The following LRP1B variants were observed in gnomAD, a reference collection of about 807,000 sequenced individuals.
LRP1B encodes the protein LDL receptor related protein 1B, also known as low-density lipoprotein receptor-related protein 1B.
LRP1B carries 217 observed loss-of-function variants against 556.6 expected under a neutral mutation model. The observed-to-expected ratio is 0.39, with a 90% CI of 0.35 to 0.44. The LOEUF (loss-of-function observed/expected upper bound fraction) is 0.44. Ranked by LOEUF, LRP1B falls within the 20% of genes least tolerant of loss-of-function variation. The pLI is 1.00. For missense variants in LRP1B, 5,053 were observed against 5,620.8 expected (o/e 0.90, Z 3.23); for synonymous variants, 2,047 against 1,865.8 (o/e 1.10, Z -2.50).
intron 1 of LRP1B, among the ~76,000 whole-genome samples, chr2:142,106,645 A>T (rs895257255): frequency 2.6e-5 from 4 of 152,162 alleles, no homozygotes; most frequent in South Asian, 2.1e-4. Flanking sequence ...CCCACTGCAA[A>T]CATCCTCTTG....
chr2:142,082,824 G>T (rs1307828430), intron 1 of LRP1B, among the ~76,000 whole-genome samples: 1 of 152,128 alleles, frequency 6.6e-6, no homozygotes, highest in African/African-American at 2.4e-5. Context: ...AATATTTAGG[G>T]TGTCTTATCT....
chr2:141,443,844 GT>G (rs1369094102), intron 3 of LRP1B, among the ~76,000 whole-genome samples: 1 of 152,176 alleles, frequency 6.6e-6, no homozygotes, highest in African/African-American at 2.4e-5. Context: ...TTGCAGTATA[GT>G]TTGAAGTCAG....
chr2:140,299,034 T>C (rs1683712187), intron 83 of LRP1B, among the ~76,000 whole-genome samples: 1 of 152,138 alleles, frequency 6.6e-6, no homozygotes, highest in Non-Finnish European at 1.5e-5. Context: ...ATTCAAGCCA[T>C]CTTTCTCTTG....
intron 25 of LRP1B, among the ~76,000 whole-genome samples, chr2:140,871,471 A>C (rs958300479): frequency 2.0e-5 from 3 of 152,208 alleles, no homozygotes; most frequent in Admixed American, 2.0e-4. Context: ...ATGCTACAAC[A>C]GTGTCTATGT....
chr2:141,808,116 C>T (rs1696221613), intron 2 of LRP1B, among the ~76,000 whole-genome samples: 2 of 152,080 alleles, frequency 1.3e-5, no homozygotes, highest in Admixed American at 6.6e-5. Flanking sequence ...CATCATTCTT[C>T]ACCGGCATGA....
In LRP1B at chr2:141,348,783, T is replaced by A. The variant is rs534531541; in HGVS notation, c.344-94142A>T. On this transcript the variant is annotated intron_variant, in intron 3 of 90. Coordinates refer to ENST00000389484, the MANE Select transcript of LRP1B (RefSeq NM_018557.3). Reference sequence around the variant, plus strand: ...GGTTGTGTCCCCAGCCAAATGTCATTTTGAATTCCCAAGTGCTGTGGGAGG... The same window carrying A: ...GGTTGTGTCCCCAGCCAAATGTCATATTGAATTCCCAAGTGCTGTGGGAGG... Among the ~76,000 whole-genome samples the A allele has an allele frequency of 2.0e-5, 3 of 152,090 alleles. No individual in the cohort carries two copies. In the East Asian group the frequency reaches 5.8e-4, roughly 29 times the overall value.
intron 27 of LRP1B, among the ~76,000 whole-genome samples, chr2:140,862,359 C>T (rs533418602): frequency 2.6e-5 from 4 of 152,186 alleles, no homozygotes; most frequent in African/African-American, 9.7e-5. Context: ...TTTATTGGCA[C>T]ACAGCCACAC....
chr2:141,149,754 G>A (rs992030265), intron 7 of LRP1B, among the ~76,000 whole-genome samples: 2 of 152,156 alleles, frequency 1.3e-5, no homozygotes, highest in South Asian at 4.1e-4. Flanking sequence ...GAAAGAACAG[G>A]TTCGCAGCAG....
chr2:141,025,168 A>G (rs12475930), intron 11 of LRP1B, among the ~76,000 whole-genome samples: 16,813 of 152,098 alleles, frequency 0.11, 1,027 homozygotes, highest in East Asian at 0.22. Flanking sequence ...CACAAATAAT[A>G]ATGTCTGCAT....
intron 18 of LRP1B, among the ~76,000 whole-genome samples, chr2:140,973,960 G>C (rs1417941803): frequency 2.0e-5 from 3 of 152,054 alleles, no homozygotes; most frequent in African/African-American, 7.2e-5. Context: ...ATGAATAGCA[G>C]GGCAATTGGT....
intron 76 of LRP1B, 55 bp downstream of exon 76, chr2:140,352,898 T>C: frequency 4.6e-6 from 7 of 1,523,410 alleles, no homozygotes; most frequent in Non-Finnish European, 5.3e-6. Context: ...TTTTTCTCCA[T>C]AAAATGTTTA....
At chr2:141,113,746 T>TA (rs1224020610) in intron 7 of LRP1B, among the ~76,000 whole-genome samples, 1 of 95,168 alleles carries the variant, frequency 1.1e-5, no homozygotes, top group Non-Finnish European at 2.8e-5. Flanking sequence ...ATATTAATTT[T>TA]AAATGCAAAA....
intron 2 of LRP1B, among the ~76,000 whole-genome samples, chr2:141,708,562 C>G (rs1172568609): frequency 6.6e-6 from 1 of 152,112 alleles, no homozygotes; most frequent in Non-Finnish European, 1.5e-5. Flanking sequence ...CCCCAAACTT[C>G]CAACAATTCC....
intron 2 of LRP1B, among the ~76,000 whole-genome samples, chr2:141,735,357 A>C (rs1282168629): frequency 6.6e-6 from 1 of 151,918 alleles, no homozygotes; most frequent in Non-Finnish European, 1.5e-5. Flanking sequence ...CTAAAGGGGG[A>C]CTTGCCCGGT....
At chr2:140,560,343 A>G (rs1680884569) in intron 43 of LRP1B, among the ~76,000 whole-genome samples, 1 of 152,172 alleles carries the variant, frequency 6.6e-6, no homozygotes, top group African/African-American at 2.4e-5. Flanking sequence ...ATACAGTTGC[A>G]GAAATTTGAA....
At position 141,422,369 on chromosome 2, in the gene LRP1B, A is replaced by G. The variant is rs375857293; in HGVS notation, c.343+58027T>C. 1.6e-3 allele frequency among the ~76,000 whole-genome samples: 244 copies of G among 152,256 alleles called. 10 individuals carry two copies. The South Asian group carries it at 0.049, about 31-fold the overall frequency. On this transcript the variant is annotated intron_variant, in intron 3 of 90. Coordinates refer to ENST00000389484, the MANE Select transcript of LRP1B (RefSeq NM_018557.3). Reference sequence around the variant, plus strand: ...TAAGACAACCACAAACCAAAACCATAAGTCAATAGATCTTCACTTCAAAAT... The same window carrying G: ...TAAGACAACCACAAACCAAAACCATGAGTCAATAGATCTTCACTTCAAAAT...
chr2:140,461,682 A>G (rs191661550), intron 60 of LRP1B, among the ~76,000 whole-genome samples: 1 of 152,070 alleles, frequency 6.6e-6, no homozygotes, highest in Non-Finnish European at 1.5e-5. Flanking sequence ...TAAAAATACC[A>G]AAATAGCTGG....
At chr2:141,863,244 C>A (rs1200310954) in intron 1 of LRP1B, among the ~76,000 whole-genome samples, 1 of 152,198 alleles carries the variant, frequency 6.6e-6, no homozygotes, top group African/African-American at 2.4e-5. Context: ...ATTTATTGAG[C>A]TTCTACAATC....
chr2:140,335,512 T>G, intron 78 of LRP1B, 103 bp downstream of exon 78: 1 of 726,300 alleles, frequency 1.4e-6, no homozygotes, highest in Non-Finnish European at 2.5e-6. Flanking sequence ...CATGTGACAC[T>G]ATTACACATT....
Sources: gnomAD v4.1 joint callset for allele counts (sites outside exome capture counted in the v4.1 genomes callset) on GRCh38, gnomAD v4.1.1 for gene constraint, MANE v1.5 for transcripts, NCBI Gene and HGNC (gene_info 2026-07-23, HGNC 2026-07-21) for gene names.